ZNF273: variants seen among roughly 807,000 people sequenced by gnomAD.
ZNF273 encodes the protein zinc finger protein 9.
Under a neutral mutation model 14.9 loss-of-function variants are expected in ZNF273, and 11 were observed. The ratio of observed to expected loss-of-function variants is 0.74; its 90% CI spans 0.46 to 1.22. The LOEUF (loss-of-function observed/expected upper bound fraction) is 1.22, where lower values mean the gene tolerates loss of function less well. Among genes scored for constraint, ZNF273 ranks in the 50% most tolerant of loss-of-function variants. The pLI, the probability that ZNF273 is intolerant of heterozygous loss-of-function variation, is 0.00. For missense variants in ZNF273, 577 were observed against 660.6 expected, an observed-to-expected ratio of 0.87 and a Z score of 1.39; for synonymous variants, 199 against 223.9, an observed-to-expected ratio of 0.89 and a Z score of 0.99.
downstream of ZNF273, among the ~76,000 whole-genome samples, chr7:64,935,095 T>C (rs1316759146): frequency 6.6e-6 from 1 of 152,238 alleles, no homozygotes; most frequent in Non-Finnish European, 1.5e-5. Context: ...TTAATTGTTC[T>C]TGTGTAGAAA....
At chr7:64,903,226 C>G, upstream of ZNF273, 1 of 1,052,780 alleles carries the variant, frequency 9.5e-7, no homozygotes, top group South Asian at 1.4e-5. Context: ...CAATCAGGCA[C>G]GCAGCTGGAG....
chr7:64,888,210 T>C (rs1319582446), intron 1 of ZNF273: 1 of 743,210 alleles, frequency 1.3e-6, no homozygotes, highest in East Asian at 1.3e-4. Context: ...GAAGCCTGGC[T>C]GCTGCTGCTG....
intron 1 of ZNF273, among the ~76,000 whole-genome samples, chr7:64,904,095 T>C (rs954856571): frequency 6.6e-6 from 1 of 152,232 alleles, no homozygotes; most frequent in Non-Finnish European, 1.5e-5. Flanking sequence ...GATTTTTTTT[T>C]CTTTCTTTCT....
intron 3 of ZNF273, among the ~76,000 whole-genome samples, chr7:64,920,582 G>A (rs529167070): frequency 6.6e-6 from 1 of 152,338 alleles, no homozygotes; most frequent in East Asian, 1.9e-4. Flanking sequence ...TGGTTACAGA[G>A]TAAGTTCAGA....
At chr7:64,916,213 C>T (rs1231013126) in intron 1 of ZNF273, among the ~76,000 whole-genome samples, 1 of 151,526 alleles carries the variant, frequency 6.6e-6, no homozygotes, top group East Asian at 2.0e-4. Flanking sequence ...CTGCTCTCTA[C>T]GGTGTTGAAG....
At chr7:64,888,935 G>A (rs1348456409), downstream of ZNF273, 7 of 981,426 alleles carry the variant, frequency 7.1e-6, no homozygotes, top group East Asian at 6.8e-4. Context: ...AAACTCTGGT[G>A]GAGCCCAGGG....
Position 64,928,867 on chromosome 7 carries a change from C to T in ZNF273, c.1539C>T (p.Pro513=), listed in dbSNP as rs1200999997. The change falls in exon 4 of 4, where the codon CCC becomes CCT. Residue 513 remains proline, a synonymous_variant. Transcript: ENST00000476120. ...KHKRIHTGEK[P]YKCEECGKAF... ...AGAGAATTCATACTGGAGAGAAGCCCTACAAATGTGAAGAATGTGGCAAAG... is the reference window on the plus strand; with the variant it reads ...AGAGAATTCATACTGGAGAGAAGCCTTACAAATGTGAAGAATGTGGCAAAG... The T allele has an allele frequency of 3.7e-6, 6 of 1,613,622 alleles. No individual in the cohort carries two copies. In the African/African-American group the frequency reaches 6.7e-5, roughly 18 times the overall value.
At chr7:64,923,544 G>A (rs991133608) in intron 3 of ZNF273, 7 of 349,340 alleles carry the variant, frequency 2.0e-5, no homozygotes, top group Non-Finnish European at 3.9e-5. Flanking sequence ...GTTTCACCAT[G>A]TTGGCCAGGC....
chr7:64,931,340 G>A (rs1362111880), downstream of ZNF273, among the ~76,000 whole-genome samples: 2 of 152,020 alleles, frequency 1.3e-5, no homozygotes, highest in Non-Finnish European at 2.9e-5. Flanking sequence ...CCATGCAGAT[G>A]TTCTGTTTTT....
At chr7:64,925,530 C>T (rs1332354887) in intron 3 of ZNF273, among the ~76,000 whole-genome samples, 4 of 152,074 alleles carry the variant, frequency 2.6e-5, no homozygotes, top group African/African-American at 9.7e-5. Flanking sequence ...CTCTGTTTCC[C>T]AGGTTCAAAC....
At chr7:64,937,048 A>G in the ZNF273 span, among the ~76,000 whole-genome samples, 6 of 152,346 alleles carry the variant, frequency 3.9e-5, no homozygotes, top group Middle Eastern at 3.4e-3. Context: ...TTTTTTGGCT[A>G]TACATTTGCT....
downstream of ZNF273, among the ~76,000 whole-genome samples, chr7:64,890,896 T>C (rs528173781): frequency 6.6e-6 from 1 of 152,198 alleles, no homozygotes; most frequent in South Asian, 2.1e-4. Context: ...CATCTGGAGG[T>C]TGGACAATTT....
upstream of ZNF273, among the ~76,000 whole-genome samples, chr7:64,901,183 A>C (rs1262596174): frequency 1.3e-5 from 2 of 151,918 alleles, no homozygotes; most frequent in Non-Finnish European, 1.5e-5. Context: ...TTGTATTTTT[A>C]GTAGAGATGA....
chr7:64,919,736 TG>T (rs1390626637), intron 3 of ZNF273, among the ~76,000 whole-genome samples: 1 of 152,196 alleles, frequency 6.6e-6, no homozygotes, highest in Non-Finnish European at 1.5e-5. Flanking sequence ...ATAGTTTAAG[TG>T]TATGAAACCA....
At chr7:64,882,022 C>T (rs1161570112), downstream of ZNF273, among the ~76,000 whole-genome samples, 2 of 152,176 alleles carry the variant, frequency 1.3e-5, no homozygotes, top group Non-Finnish European at 2.9e-5. Flanking sequence ...GTGTCCTTTC[C>T]TTTGTCGTGG....
chr7:64,893,533 A>G (rs1011242182), downstream of ZNF273: 3 of 152,234 alleles, frequency 2.0e-5, no homozygotes, highest in Non-Finnish European at 2.9e-5. Context: ...TGGCTCCCCT[A>G]TTGATGGCAT....
At chr7:64,936,992 G>A in the ZNF273 span, among the ~76,000 whole-genome samples, 2 of 152,262 alleles carry the variant, frequency 1.3e-5, no homozygotes, top group South Asian at 4.1e-4. Context: ...ATGTTCTATT[G>A]ACAGAATAAC....
chr7:64,920,568 G>C (rs1794360635), intron 3 of ZNF273, among the ~76,000 whole-genome samples: 1 of 152,176 alleles, frequency 6.6e-6, no homozygotes, highest in African/African-American at 2.4e-5. Context: ...GGAGGAGTTT[G>C]GGATGGTTAC....
chr7:64,936,700 A>T, the ZNF273 span, among the ~76,000 whole-genome samples: 2 of 152,296 alleles, frequency 1.3e-5, no homozygotes, highest in South Asian at 4.1e-4. Flanking sequence ...TTAGCTAAAA[A>T]TTTTTTCAGT....
Sources: allele counts gnomAD v4.1 joint callset (sites outside exome capture counted in the v4.1 genomes callset), GRCh38; gene constraint gnomAD v4.1.1; transcripts MANE v1.5; gene names NCBI Gene and HGNC (gene_info 2026-07-23, HGNC 2026-07-21).